Variants in DMD observed in about 807,000 individuals in gnomAD.
DMD encodes dystrophin.
A neutral mutation model predicts 330.1 loss-of-function variants in DMD; 63 were observed. The observed-to-expected ratio is 0.19, with a 90% CI of 0.16 to 0.24. The LOEUF is 0.24. DMD is among the 10% of genes least tolerant of loss of function. The probability of loss-of-function intolerance (pLI) is 1.00; values close to 1 mark genes in which losing one functional copy is unlikely to be tolerated. For synonymous variants in DMD, 1,223 were observed against 959.8 expected (o/e 1.27, Z -5.07); for missense variants, 3,344 against 2,684.1 (o/e 1.25, Z -5.43).
intron 43 of DMD, among the ~76,000 whole-genome samples, chrX:32,267,278 T>C (rs2097348549): frequency 8.9e-6 from 1 of 112,349 alleles, no homozygotes; most frequent in Non-Finnish European, 1.9e-5. Context: ...TCAAAAGCTT[T>C]GCTCTTTTTC....
intron 2 of DMD, among the ~76,000 whole-genome samples, chrX:32,898,030 T>C (rs989361250): frequency 2.7e-5 from 3 of 112,289 alleles, no homozygotes; most frequent in Non-Finnish European, 5.6e-5. Context: ...TGAAGGATAA[T>C]TGTTAAATGG....
intron 29 of DMD, among the ~76,000 whole-genome samples, chrX:32,422,004 G>A (rs2098191940): frequency 9.0e-6 from 1 of 111,521 alleles, no homozygotes; most frequent in African/African-American, 3.3e-5. Flanking sequence ...TTCCTAGAAA[G>A]CGTTCATTCT....
At chrX:31,856,713 G>GTGTA (rs779650262) in intron 48 of DMD, among the ~76,000 whole-genome samples, 1 of 112,291 alleles carries the variant, frequency 8.9e-6, no homozygotes, top group Admixed American at 9.4e-5. Flanking sequence ...GCACAGGAAC[G>GTGTA]TGTATGTATG....
chrX:33,062,669 G>A (rs1357367070), intron 1 of DMD, among the ~76,000 whole-genome samples: 1 of 110,616 alleles, frequency 9.0e-6, no homozygotes, highest in African/African-American at 3.3e-5. Context: ...TAGAGATGGG[G>A]TTTCACCACG....
chrX:31,322,682 C>T (rs192758519), intron 62 of DMD, among the ~76,000 whole-genome samples: 38 of 111,525 alleles, frequency 3.4e-4, no homozygotes, highest in African/African-American at 1.2e-3. Context: ...TGCTTTAGAA[C>T]CGAATTAAGA....
intron 11 of DMD, among the ~76,000 whole-genome samples, chrX:32,640,329 A>T (rs148001093): frequency 9.2e-6 from 1 of 108,643 alleles, no homozygotes; most frequent in Admixed American, 1.0e-4. Context: ...CTGTTTTACA[A>T]AACTATAAAG....
intron 62 of DMD, among the ~76,000 whole-genome samples, chrX:31,289,608 A>G (rs2053534736): frequency 9.0e-6 from 1 of 111,033 alleles, no homozygotes; most frequent in Non-Finnish European, 1.9e-5. Flanking sequence ...CCAGACTTAC[A>G]GTTAGAAAAT....
intron 2 of DMD, among the ~76,000 whole-genome samples, chrX:32,882,372 C>A (rs1207629575): frequency 8.9e-6 from 1 of 112,172 alleles, no homozygotes; most frequent in Non-Finnish European, 1.9e-5. Flanking sequence ...CCTCTTGTTA[C>A]ATTATTTTCT....
At chrX:31,885,985 C>G (rs1165141914) in intron 47 of DMD, among the ~76,000 whole-genome samples, 1 of 110,552 alleles carries the variant, frequency 9.0e-6, no homozygotes, top group Non-Finnish European at 1.9e-5. Flanking sequence ...TAAGCATCTT[C>G]TCTATTTTGG....
At chrX:32,578,555 G>A (rs1220030144) in intron 13 of DMD, among the ~76,000 whole-genome samples, 4 of 111,715 alleles carry the variant, frequency 3.6e-5, no homozygotes, top group Admixed American at 1.9e-4. Context: ...TTTCTCATCT[G>A]AATTCCTTTG....
intron 16 of DMD, among the ~76,000 whole-genome samples, chrX:32,550,129 C>G (rs888730104): frequency 3.6e-5 from 4 of 111,621 alleles, no homozygotes; most frequent in African/African-American, 6.5e-5. Flanking sequence ...AGCTACAAAC[C>G]TGTACAGCAT....
intron 61 of DMD, among the ~76,000 whole-genome samples, chrX:31,338,518 G>C (rs1267292636): frequency 9.1e-6 from 1 of 109,531 alleles, no homozygotes; most frequent in Non-Finnish European, 1.9e-5. Context: ...GGGACAATTT[G>C]TTCTCCAGAG....
At chrX:31,158,881 G>A (rs775836985) in intron 74 of DMD, among the ~76,000 whole-genome samples, 8 of 111,969 alleles carry the variant, frequency 7.1e-5, no homozygotes, top group Admixed American at 6.7e-4. Context: ...GTTTTAAAAA[G>A]AGTCCAAAAA....
rs1345068871 is a variant in DMD, at chrX:31,352,094, C to T, written c.9085-3460G>A. Among the ~76,000 whole-genome samples, 3 of 111,093 alleles carry T rather than the reference C, an allele frequency of 2.7e-5. No individual in the cohort carries two copies. The East Asian group carries it at 8.4e-4, about 31-fold the overall frequency. ...TAATAAGTAATTGGCTTTTTAATTTCTTTAATCAGTTTATTGAATGCAGAC... is the reference window on the plus strand; with the variant it reads ...TAATAAGTAATTGGCTTTTTAATTTTTTTAATCAGTTTATTGAATGCAGAC... On this transcript the variant is annotated intron_variant, in intron 60 of 78. Coordinates refer to ENST00000357033, the MANE Select transcript of DMD (RefSeq NM_004006.3).
At chrX:31,591,940 T>C (rs1320324606) in intron 55 of DMD, among the ~76,000 whole-genome samples, 1 of 111,225 alleles carries the variant, frequency 9.0e-6, no homozygotes, top group Non-Finnish European at 1.9e-5. Context: ...TGAATTTCCA[T>C]TCAGCCTTTA....
chrX:31,790,077 T>A (rs1294027314), intron 50 of DMD, among the ~76,000 whole-genome samples: 1 of 112,234 alleles, frequency 8.9e-6, no homozygotes. Flanking sequence ...TATGCTATAC[T>A]TAATAACTAT....
chrX:31,661,967 T>G (rs1444982276), intron 53 of DMD, among the ~76,000 whole-genome samples: 1 of 111,962 alleles, frequency 8.9e-6, no homozygotes, highest in African/African-American at 3.2e-5. Context: ...TAATTGTTTG[T>G]CTTCTCTCAT....
intron 44 of DMD, among the ~76,000 whole-genome samples, chrX:32,054,985 T>C (rs1009897280): frequency 5.4e-5 from 6 of 110,708 alleles, no homozygotes; most frequent in Non-Finnish European, 1.1e-4. Context: ...ATCTAGTTAT[T>C]CTGTGCAAAA....
At chrX:32,191,180 T>C (rs1186583032) in intron 44 of DMD, among the ~76,000 whole-genome samples, 1 of 111,678 alleles carries the variant, frequency 9.0e-6, no homozygotes, top group Non-Finnish European at 1.9e-5. Flanking sequence ...GAGTCAAATG[T>C]CACCCCCCAC....
Sources: allele counts gnomAD v4.1 joint callset (sites outside exome capture counted in the v4.1 genomes callset), GRCh38; gene constraint gnomAD v4.1.1; transcripts MANE v1.5; gene names NCBI Gene and HGNC (gene_info 2026-07-23, HGNC 2026-07-21).